PCDHGA8: variants seen among roughly 807,000 people sequenced by gnomAD.
PCDHGA8 encodes protocadherin gamma subfamily A, 8.
PCDHGA8 carries 45 observed loss-of-function variants against 59.2 expected under a neutral mutation model. The ratio of observed to expected loss-of-function variants is 0.76; its 90% CI spans 0.60 to 0.98. PCDHGA8 has a LOEUF of 0.98. Ranked by LOEUF, PCDHGA8 falls within the 50% of genes least tolerant of loss-of-function variation. The pLI is 0.00. For missense variants in PCDHGA8, 1,257 were observed against 1,196.2 expected (o/e 1.05, Z -0.75); for synonymous variants, 531 against 519.0 (o/e 1.02, Z -0.32).
rs766038218 is a variant in PCDHGA8 at position 141,398,581 on chromosome 5, T to C, written c.2424+3344T>C. The stretch of plus-strand genomic sequence containing the variant: ...TGAGTCTGCACAGCCTGGCACAAGA[T>C]TTATACTAGAAGTAGCAGAAGATGC... On this transcript the variant is annotated intron_variant, in intron 1 of 3. Transcript: ENST00000398604. The C allele has an allele frequency of 1.2e-5, 20 of 1,614,028 alleles. No individual in the cohort carries two copies. In the Admixed American group the frequency reaches 2.2e-4, roughly 17 times the overall value.
At chr5:141,426,407 C>T (rs974898367) in intron 1 of PCDHGA8, 5 of 257,632 alleles carry the variant, frequency 1.9e-5, no homozygotes, top group African/African-American at 6.6e-5. Context: ...CCAGAAGAAA[C>T]GGTCCAGGGC....
chr5:141,446,088 T>C (rs2098487177), intron 1 of PCDHGA8, among the ~76,000 whole-genome samples: 1 of 152,100 alleles, frequency 6.6e-6, no homozygotes, highest in African/African-American at 2.4e-5. Flanking sequence ...TAGAAATAAA[T>C]GGATGAATTA....
At position 141,491,539 on chromosome 5, in the gene PCDHGA8, A is replaced by G; in HGVS notation, c.2425-3268A>G. ...GTACATGGAGGTGACGCTGCGGCCC[A>G]CAGACTCGCAGAGCCACTGCTACAG... On this transcript the variant is annotated intron_variant, in intron 1 of 3. Coordinates refer to ENST00000398604, the MANE Select transcript of PCDHGA8 (RefSeq NM_032088.2). This position sits in a 1 kb window ranked among gnomAD's most constrained non-coding sequence, Gnocchi z 6.9. The G allele has an allele frequency of 6.2e-7, 1 of 1,613,968 alleles. No homozygotes were observed. The highest frequency in any genetic ancestry group is 1.1e-5 in the South Asian group (1 of 91,074).
Position 141,392,691 on chromosome 5 carries a change from AC to A in PCDHGA8, c.-119del. The A allele has an allele frequency of 8.8e-7, 1 of 1,132,688 alleles. No homozygotes were observed. Among genetic ancestry groups the A allele is most frequent in the Non-Finnish European group, 1.2e-6 (1 of 829,306 alleles). The allele number at this position is 1,132,688 out of a possible 1,614,324, so 70.2% of individuals were successfully genotyped here. A position where few individuals can be genotyped will look rare whatever the true frequency, so the allele number is the denominator to read the frequency against. The stretch of plus-strand genomic sequence containing the variant: ...AACTGCTGGACTGCAGCGAAACCCG[AC>A]CCCTGTTTGGAGGCACTCCAGGTTT... On this transcript the variant is annotated 5_prime_UTR_variant, in exon 1 of 4. It removes the in-frame stop codon of an upstream open reading frame in the 5' UTR. Transcript: ENST00000398604.
rs774563598 is a variant in PCDHGA8 at position 141,431,225 on chromosome 5, C to T, written c.2424+35988C>T. 16 of 1,614,118 alleles carry T rather than the reference C, an allele frequency of 9.9e-6. No individual in the cohort carries two copies. The highest frequency in any genetic ancestry group is 1.2e-5 in the Non-Finnish European group (14 of 1,180,036). On this transcript the variant is annotated intron_variant, in intron 1 of 3. Transcript: ENST00000398604. The surrounding 1 kb of genome is among the most constrained non-coding windows in gnomAD (Gnocchi z 4.8). ...CACTGAGATGCGGTTCCCTCTACCC[C>T]ACGCCTGGGATCCGGATATCGGGAA...
At position 141,393,075 on chromosome 5, in the gene PCDHGA8, G is replaced by A; in HGVS notation, c.262G>A (p.Gly88Ser). 6.2e-7 allele frequency: 1 copy of A among 1,613,702 alleles called. No individual in the cohort carries two copies. Among genetic ancestry groups the A allele is most frequent in the Non-Finnish European group, 8.5e-7 (1 of 1,179,906 alleles). ...NPRSGSLITA[G>S]RIDREELCAQ... is the part of the protein sequence containing the mutation. ...GCGCAGCGGCAGCTTGATCACCGCG[G>A]GCAGGATAGATCGGGAGGAGCTCTG... is the stretch of plus-strand genomic sequence containing the variant. Residue 88 changes from glycine (G) to serine (S), a missense_variant, in exon 1 of 4, where the codon GGC becomes AGC. Transcript: ENST00000398604.
intron 1 of PCDHGA8, among the ~76,000 whole-genome samples, chr5:141,449,298 T>C (rs1197693931): frequency 6.6e-6 from 1 of 152,058 alleles, no homozygotes; most frequent in Non-Finnish European, 1.5e-5. Flanking sequence ...CCGGGTGAAT[T>C]ATATGTATTA....
chr5:141,444,280 T>C (rs1217749098), intron 1 of PCDHGA8, among the ~76,000 whole-genome samples: 1 of 147,614 alleles, frequency 6.8e-6, no homozygotes, highest in East Asian at 2.1e-4. Context: ...CAAGTGATTC[T>C]CCTGCCTCAG....
At chr5:141,459,199 A>G (rs930769883) in intron 1 of PCDHGA8, among the ~76,000 whole-genome samples, 6 of 152,200 alleles carry the variant, frequency 3.9e-5, no homozygotes, top group African/African-American at 1.4e-4. Flanking sequence ...TTTGCAATCA[A>G]TTCACTACTT....
In PCDHGA8 at chr5:141,438,327, A is replaced by G. The variant is rs369043587; in HGVS notation, c.2424+43090A>G. 1.5e-4 allele frequency among the ~76,000 whole-genome samples: 23 copies of G among 152,106 alleles called. No homozygotes were observed. The East Asian group carries it at 4.1e-3, about 27-fold the overall frequency. ...TTGGTACCACCATAATTTTTCTTAT[A>G]CATGTCATATAAGGATCTACTCTGT... On this transcript the variant is annotated intron_variant, in intron 1 of 3. Transcript: ENST00000398604.
chr5:141,418,506 A>G, intron 1 of PCDHGA8: 1 of 1,613,978 alleles, frequency 6.2e-7, no homozygotes, highest in Non-Finnish European at 8.5e-7. Flanking sequence ...ACCGCCTTAG[A>G]TGGTGGGGAC....
At chr5:141,409,863 A>G in intron 1 of PCDHGA8, 3 of 1,612,376 alleles carry the variant, frequency 1.9e-6, no homozygotes, top group Non-Finnish European at 2.5e-6. Flanking sequence ...TTGGTGGGAG[A>G]CCGCAATGAC....
intron 2 of PCDHGA8, among the ~76,000 whole-genome samples, chr5:141,500,027 G>C (rs1458308566): frequency 6.6e-6 from 1 of 151,808 alleles, no homozygotes; most frequent in Non-Finnish European, 1.5e-5. Flanking sequence ...ATATTTGAGT[G>C]AGTGTCTCTT....
At chr5:141,474,332 G>A (rs1427828070) in intron 1 of PCDHGA8, among the ~76,000 whole-genome samples, 1 of 152,168 alleles carries the variant, frequency 6.6e-6, no homozygotes, top group Non-Finnish European at 1.5e-5. Flanking sequence ...TCACCCTGAT[G>A]TTTTGTTAAA....
intron 3 of PCDHGA8, among the ~76,000 whole-genome samples, chr5:141,506,038 G>C (rs2099850248): frequency 6.6e-6 from 1 of 152,174 alleles, no homozygotes; most frequent in South Asian, 2.1e-4. Context: ...GTAGGATTCT[G>C]GTTTTCCCAT....
chr5:141,421,926 C>T, intron 1 of PCDHGA8: 1 of 1,613,460 alleles, frequency 6.2e-7, no homozygotes, highest in Non-Finnish European at 8.5e-7. Context: ...GTGTGGTGGT[C>T]CTCGATGTAA....
chr5:141,510,426 T>C (rs983368750), intron 3 of PCDHGA8, among the ~76,000 whole-genome samples: 1 of 152,084 alleles, frequency 6.6e-6, no homozygotes, highest in African/African-American at 2.4e-5. Flanking sequence ...CATGGTTTCA[T>C]GGCTGCTGCC....
intron 1 of PCDHGA8, chr5:141,478,595 T>A: frequency 6.4e-7 from 1 of 1,567,880 alleles, no homozygotes; most frequent in Non-Finnish European, 8.7e-7. Flanking sequence ...TTTTTATTCC[T>A]ACATCATATT....
At chr5:141,420,314 A>C (rs1454977890) in intron 1 of PCDHGA8, 1 of 1,442,690 alleles carries the variant, frequency 6.9e-7, no homozygotes. Flanking sequence ...TTTATATTAC[A>C]ATATGCCAAT....
Sources: allele counts gnomAD v4.1 joint callset (sites outside exome capture counted in the v4.1 genomes callset), GRCh38; gene constraint gnomAD v4.1.1; non-coding constraint Gnocchi (gnomAD v3.1); transcripts MANE v1.5; gene names NCBI Gene and HGNC (gene_info 2026-07-23, HGNC 2026-07-21).